The following MUSK variants were observed in gnomAD, a reference collection of about 807,000 sequenced individuals.
The protein encoded by MUSK is muscle, skeletal receptor tyrosine-protein kinase.
MUSK carries 55 observed loss-of-function variants against 88.7 expected under a neutral mutation model. The ratio of observed to expected loss-of-function variants is 0.62; its 90% CI spans 0.50 to 0.78. MUSK has a LOEUF of 0.78. Ranked by LOEUF, MUSK falls within the 30% of genes least tolerant of loss-of-function variation. MUSK has a pLI of 0.00. For missense variants in MUSK, 1,015 were observed against 1,074.3 expected (o/e 0.94, Z 0.77); for synonymous variants, 387 against 391.9 (o/e 0.99, Z 0.15).
intron 5 of MUSK, among the ~76,000 whole-genome samples, chr9:110,710,636 C>A (rs372871723): frequency 1.3e-5 from 2 of 151,852 alleles, no homozygotes. Flanking sequence ...GTGGCTTCAC[C>A]GTGACAAGTG....
At chr9:110,783,760 G>A (rs2077804407) in intron 11 of MUSK, among the ~76,000 whole-genome samples, 1 of 151,618 alleles carries the variant, frequency 6.6e-6, no homozygotes, top group African/African-American at 2.4e-5. Context: ...CAAAGTCTTG[G>A]GTTAAATGTT....
intron 3 of MUSK, among the ~76,000 whole-genome samples, chr9:110,692,441 C>T (rs1164261583): frequency 6.6e-6 from 1 of 151,864 alleles, no homozygotes; most frequent in African/African-American, 2.4e-5. Context: ...TCCAAAGTAT[C>T]GAGATTATAG....
chr9:110,705,175 T>G (rs569021750), intron 5 of MUSK, among the ~76,000 whole-genome samples: 12 of 152,298 alleles, frequency 7.9e-5, no homozygotes, highest in African/African-American at 2.9e-4. Flanking sequence ...GTAACATGAA[T>G]CTTTCTGTTC....
chr9:110,760,776 CAA>C (rs138677688), intron 7 of MUSK, among the ~76,000 whole-genome samples: 233 of 152,146 alleles, frequency 1.5e-3, no homozygotes, highest in Middle Eastern at 3.4e-3. Flanking sequence ...CATAAAGATT[CAA>C]AAAAGTCATA....
At position 110,697,215 on chromosome 9, in the gene MUSK, C is replaced by T. The variant is rs79775632; in HGVS notation, c.487-110C>T. 131 of 1,160,124 alleles carry T rather than the reference C, an allele frequency of 1.1e-4. No homozygotes were observed. The East Asian group carries it at 1.6e-3, about 14-fold the overall frequency. The allele number at this position is 1,160,124 out of a possible 1,614,324, so 71.9% of individuals were successfully genotyped here. On this transcript the variant is annotated intron_variant, in intron 4 of 14. Transcript: ENST00000374448. ...AATAAGTGGCCAATAAAGGTCAAAG[C>T]GATATCTTTGATGATGATAATAGTG...
intron 14 of MUSK, among the ~76,000 whole-genome samples, chr9:110,788,994 G>C (rs1023044122): frequency 6.6e-6 from 1 of 152,160 alleles, no homozygotes; most frequent in Admixed American, 6.5e-5. Context: ...AAGATGGGGA[G>C]AGTTATCAAA....
At chr9:110,797,342 G>A (rs1056018058) in intron 14 of MUSK, among the ~76,000 whole-genome samples, 4 of 151,962 alleles carry the variant, frequency 2.6e-5, no homozygotes, top group African/African-American at 9.6e-5. Flanking sequence ...TAGGGCAGTC[G>A]AGGCAGTGAA....
intron 3 of MUSK, among the ~76,000 whole-genome samples, chr9:110,689,058 A>C (rs977791511): frequency 6.4e-5 from 9 of 140,522 alleles, no homozygotes; most frequent in Non-Finnish European, 1.2e-4. Context: ...ATATATAAAT[A>C]TATAGCTATA....
intron 5 of MUSK, among the ~76,000 whole-genome samples, chr9:110,724,062 G>T (rs1007474309): frequency 8.6e-5 from 13 of 151,898 alleles, no homozygotes; most frequent in East Asian, 7.7e-4. Flanking sequence ...CCTTGTCCAA[G>T]CTTGAGTTTA....
At chr9:110,738,714 G>A (rs1232049360) in intron 6 of MUSK, among the ~76,000 whole-genome samples, 1 of 152,156 alleles carries the variant, frequency 6.6e-6, no homozygotes, top group Non-Finnish European at 1.5e-5. Context: ...AGCAATAACT[G>A]GTGCAAGAGA....
chr9:110,719,749 A>T (rs1342173273), intron 5 of MUSK, among the ~76,000 whole-genome samples: 1 of 152,116 alleles, frequency 6.6e-6, no homozygotes, highest in African/African-American at 2.4e-5. Flanking sequence ...GACCTAACAG[A>T]TATTTACAGA....
Position 110,695,572 on chromosome 9 carries a change from T to G in MUSK, c.486+42T>G, listed in dbSNP as rs577971108. The G allele has an allele frequency of 4.2e-5, 61 of 1,454,788 alleles. No individual in the cohort carries two copies. In the South Asian group the frequency reaches 8.1e-4, roughly 19 times the overall value. The allele number at this position is 1,454,788 out of a possible 1,614,324, so 90.1% of individuals were successfully genotyped here. On this transcript the variant is annotated intron_variant, in intron 4 of 14. Coordinates refer to ENST00000374448, the MANE Select transcript of MUSK (RefSeq NM_005592.4). Reference sequence around the variant, plus strand: ...TTAAAACACATATATAAAATGTATTTTAAAATATAACATTTCTTTACACAC... The same window carrying G: ...TTAAAACACATATATAAAATGTATTGTAAAATATAACATTTCTTTACACAC...
intron 2 of MUSK, among the ~76,000 whole-genome samples, chr9:110,683,098 A>C (rs774511773): frequency 1.6e-4 from 24 of 151,726 alleles, no homozygotes; most frequent in Admixed American, 3.9e-4. Flanking sequence ...TTTTGCACCC[A>C]CTAAACATCC....
intron 6 of MUSK, 74 bp from the exon 7 acceptor site, chr9:110,747,567 T>C: frequency 7.0e-7 from 1 of 1,427,270 alleles, no homozygotes; most frequent in African/African-American, 1.4e-5. Context: ...TTAATGCTTT[T>C]CCCTTCAAAT....
At chr9:110,799,890 A>G (rs980517516) in intron 14 of MUSK, among the ~76,000 whole-genome samples, 17 of 152,180 alleles carry the variant, frequency 1.1e-4, no homozygotes, top group Admixed American at 6.5e-5. Context: ...ATGTTTAGGC[A>G]GAGAAATAGG....
At chr9:110,713,356 T>C (rs2076701332) in intron 5 of MUSK, among the ~76,000 whole-genome samples, 1 of 151,178 alleles carries the variant, frequency 6.6e-6, no homozygotes, top group Admixed American at 6.6e-5. Flanking sequence ...GCCTCCCAGG[T>C]TCAAGCGATT....
intron 4 of MUSK, among the ~76,000 whole-genome samples, chr9:110,696,148 G>A (rs538927684): frequency 2.0e-5 from 3 of 152,074 alleles, no homozygotes; most frequent in Admixed American, 2.0e-4. Flanking sequence ...GTGGTGGTGT[G>A]TGCCTATAAT....
At chr9:110,798,723 T>C (rs1409484827) in intron 14 of MUSK, among the ~76,000 whole-genome samples, 2 of 152,156 alleles carry the variant, frequency 1.3e-5, no homozygotes, top group Non-Finnish European at 2.9e-5. Flanking sequence ...TATTATATTT[T>C]GAAGTCCCAC....
intron 6 of MUSK, among the ~76,000 whole-genome samples, chr9:110,743,787 C>A (rs2077133535): frequency 6.6e-6 from 1 of 152,078 alleles, no homozygotes; most frequent in African/African-American, 2.4e-5. Context: ...TTACATGTAA[C>A]AAGTCTTATG....
Sources: gnomAD v4.1 joint callset for allele counts (sites outside exome capture counted in the v4.1 genomes callset) on GRCh38, gnomAD v4.1.1 for gene constraint, MANE v1.5 for transcripts, NCBI Gene and HGNC (gene_info 2026-07-23, HGNC 2026-07-21) for gene names.